HTR7: variants seen among roughly 807,000 people sequenced by gnomAD.
The protein encoded by HTR7 is 5-HT-7.
A neutral mutation model predicts 34.0 loss-of-function variants in HTR7; 16 were observed. The observed-to-expected ratio is 0.47, with a 90% confidence interval of 0.32 to 0.71. The LOEUF is 0.71. Among genes scored for constraint, HTR7 ranks in the 30% least tolerant of loss-of-function variants. The pLI is 0.04. For missense variants in HTR7, 504 were observed against 625.5 expected (o/e 0.81, Z 2.07); for synonymous variants, 265 against 260.2 (o/e 1.02, Z -0.18).
intron 1 of HTR7, among the ~76,000 whole-genome samples, chr10:90,812,667 C>G (rs1194003826): frequency 6.6e-6 from 1 of 152,198 alleles, no homozygotes; most frequent in African/African-American, 2.4e-5. Flanking sequence ...TCTAGGTTCC[C>G]AAGCCACCCC....
At chr10:90,838,522 C>T (rs1238109899) in intron 1 of HTR7, among the ~76,000 whole-genome samples, 4 of 152,230 alleles carry the variant, frequency 2.6e-5, no homozygotes, top group African/African-American at 7.2e-5. Context: ...AAAGTAACCA[C>T]AATGAACCAT....
rs1589430871 is a variant in HTR7, at chr10:90,741,387, C to A, written c.*1095G>T. On this transcript the variant is annotated 3_prime_UTR_variant, in exon 4 of 4. Transcript: ENST00000336152. ...GTGGGTAGGGGTGGGAATCAGAGGA[C>A]AGAATTGCTTAGGCACACATTTGAT... is the stretch of plus-strand genomic sequence containing the variant. The A allele has an allele frequency of 6.6e-6, 1 of 152,526 alleles. No homozygotes were observed. Among genetic ancestry groups the A allele is most frequent in the East Asian group, 1.9e-4 (1 of 5,184 alleles). 9.4% of individuals were successfully genotyped at this position (152,526 alleles called of 1,614,324 possible).
chr10:90,789,570 C>A (rs554459350), intron 1 of HTR7, among the ~76,000 whole-genome samples: 6 of 152,092 alleles, frequency 3.9e-5, no homozygotes, highest in African/African-American at 1.4e-4. Flanking sequence ...ATGCTGTTAG[C>A]AAATGTACTG....
chr10:90,854,286 G>A (rs1342602081), intron 1 of HTR7, among the ~76,000 whole-genome samples: 6 of 152,096 alleles, frequency 3.9e-5, no homozygotes, highest in African/African-American at 1.2e-4. Flanking sequence ...CCCAGGAGGC[G>A]GAGGGTGCAG....
At position 90,748,861 on chromosome 10, in the gene HTR7, G is replaced by T. The variant is rs757180030; in HGVS notation, c.1273C>A (p.Pro425Thr). Residue 425 changes from proline (P) to threonine (T), a missense_variant, in exon 2 of 4, where the codon CCA (proline) becomes ACA (threonine). Around this residue, in one of 4 missense-constraint regions of HTR7, gnomAD observed 154 missense variants for 212.1 expected, o/e 0.73. Transcript: ENST00000336152. Reference sequence around the variant, plus strand: ...TACAGCACAAACTCAGGTCTCTCTGGCCTCTCAGCAAGCTTCAGGGCTTCA... The same window carrying T: ...TACAGCACAAACTCAGGTCTCTCTGTCCTCTCAGCAAGCTTCAGGGCTTCA... ...MHEALKLAER[P>T]ERPEFVLRAC... is the part of the protein sequence containing the mutation. The T allele has an allele frequency of 6.2e-7, 1 of 1,613,692 alleles. No individual in the cohort carries two copies. The highest frequency in any genetic ancestry group is 8.5e-7 in the Non-Finnish European group (1 of 1,179,834).
chr10:90,750,513 C>T (rs1191250440), intron 1 of HTR7, among the ~76,000 whole-genome samples: 2 of 151,974 alleles, frequency 1.3e-5, no homozygotes, highest in African/African-American at 2.4e-5. Context: ...ATTTAATAGT[C>T]GTAGAGTCTT....
chr10:90,810,895 G>A lies in HTR7; in HGVS notation c.539+46238C>T, dbSNP rs540874318. Among the ~76,000 whole-genome samples the A allele has an allele frequency of 5.3e-5, 8 of 152,232 alleles. No individual in the cohort carries two copies. In the South Asian group the frequency reaches 6.2e-4, roughly 12 times the overall value. ...GAAAAACACATGTGCTCTCTCTGCC[G>A]ATCGTGTCTGACTGATCTCTCAAAC... On this transcript the variant is annotated intron_variant, in intron 1 of 3. Transcript: ENST00000336152.
intron 1 of HTR7, among the ~76,000 whole-genome samples, chr10:90,846,916 C>G (rs1413862783): frequency 6.6e-6 from 1 of 152,174 alleles, no homozygotes; most frequent in Non-Finnish European, 1.5e-5. Flanking sequence ...TTGTGCTTCT[C>G]CTATGCTATT....
At position 90,844,725 on chromosome 10, in the gene HTR7, T is replaced by TAAAAAA. The variant is rs1564701422; in HGVS notation, c.539+12407_539+12408insTTTTTT. 3.3e-3 allele frequency among the ~76,000 whole-genome samples: 92 copies of TAAAAAA among 27,792 alleles called. 18 individuals carry two copies. The highest frequency in any genetic ancestry group is 8.3e-3 in the African/African-American group (81 of 9,800). The allele number at this position is 27,792 out of a possible 152,430, so 18.2% of individuals were successfully genotyped here. ...CTGGGCAACAGAATGAGACTCCGTC[T>TAAAAAA]CAAAAAAAAAAAAAAAAAAAAAAAA... On this transcript the variant is annotated intron_variant, in intron 1 of 3. Transcript: ENST00000336152.
At position 90,800,810 on chromosome 10, in the gene HTR7, A is replaced by C. The variant is rs536479422; in HGVS notation, c.540-51216T>G. On this transcript the variant is annotated intron_variant, in intron 1 of 3. Transcript: ENST00000336152. ...TCCTGAGAACCTCTTTGTGAAAAAC[A>C]ACCATAGAAGCTTCTGTTTTTTCTG... 1.3e-4 allele frequency among the ~76,000 whole-genome samples: 20 copies of C among 152,328 alleles called. No individual in the cohort carries two copies. In the South Asian group the frequency reaches 1.7e-3, roughly 13 times the overall value.
At chr10:90,809,556 T>C (rs1845767328) in intron 1 of HTR7, among the ~76,000 whole-genome samples, 1 of 152,150 alleles carries the variant, frequency 6.6e-6, no homozygotes, top group South Asian at 2.1e-4. Flanking sequence ...CTTCAAGGTG[T>C]ACAATAATAG....
chr10:90,849,610 C>T (rs913642738), intron 1 of HTR7, among the ~76,000 whole-genome samples: 2 of 152,014 alleles, frequency 1.3e-5, no homozygotes, highest in Non-Finnish European at 2.9e-5. Context: ...CAAGGACCTC[C>T]TACATGTGCT....
intron 1 of HTR7, among the ~76,000 whole-genome samples, chr10:90,847,087 A>G (rs545356575): frequency 2.6e-5 from 4 of 152,326 alleles, no homozygotes; most frequent in Non-Finnish European, 5.9e-5. Flanking sequence ...AGATATAAAT[A>G]AATACACAAT....
At chr10:90,854,000 G>A (rs545650445) in intron 1 of HTR7, among the ~76,000 whole-genome samples, 13 of 152,338 alleles carry the variant, frequency 8.5e-5, no homozygotes, top group African/African-American at 2.9e-4. Flanking sequence ...AAGAAGTGAG[G>A]CCAGAGGCCA....
At chr10:90,827,430 T>C (rs1846095730) in intron 1 of HTR7, among the ~76,000 whole-genome samples, 1 of 152,070 alleles carries the variant, frequency 6.6e-6, no homozygotes, top group African/African-American at 2.4e-5. Context: ...ACAAAGTGGC[T>C]GAATGGATTT....
intron 1 of HTR7, among the ~76,000 whole-genome samples, chr10:90,791,574 G>A (rs1456835664): frequency 6.6e-6 from 1 of 151,982 alleles, no homozygotes; most frequent in African/African-American, 2.4e-5. Context: ...GGGGGAAGAG[G>A]AGCGGGCAAT....
chr10:90,838,473 C>T (rs1436160909), intron 1 of HTR7, among the ~76,000 whole-genome samples: 4 of 152,174 alleles, frequency 2.6e-5, no homozygotes, highest in African/African-American at 7.2e-5. Context: ...CATTGGTCTC[C>T]AAGTTTTCAT....
chr10:90,786,040 A>C (rs900268611), intron 1 of HTR7, among the ~76,000 whole-genome samples: 1 of 152,160 alleles, frequency 6.6e-6, no homozygotes, highest in Admixed American at 6.5e-5. Context: ...CTTCTTAAAT[A>C]CTGCTCATTC....
At chr10:90,831,500 A>G (rs1448119187) in intron 1 of HTR7, among the ~76,000 whole-genome samples, 3 of 152,144 alleles carry the variant, frequency 2.0e-5, no homozygotes, top group Non-Finnish European at 4.4e-5. Context: ...GTGGACCCAA[A>G]AAGTGGGCAG....
Sources: allele counts gnomAD v4.1 joint callset (sites outside exome capture counted in the v4.1 genomes callset), GRCh38; gene constraint gnomAD v4.1.1; regional missense constraint gnomAD v4.1.1; transcripts MANE v1.5; gene names NCBI Gene and HGNC (gene_info 2026-07-23, HGNC 2026-07-21).